Variants in C4orf17 observed in about 807,000 individuals in gnomAD.
C4orf17 encodes chromosome 4 open reading frame 17.
C4orf17 carries 25 observed loss-of-function variants against 32.0 expected under a neutral mutation model. That is an observed-to-expected ratio of 0.78 (90% CI 0.57 to 1.09). The LOEUF is 1.09. C4orf17 is among the 50% of genes least tolerant of loss of function. The pLI is 0.00. For missense variants in C4orf17, 420 were observed against 420.0 expected (o/e 1.00, Z 0.00); for synonymous variants, 149 against 145.8 (o/e 1.02, Z -0.16).
At position 99,529,944 on chromosome 4, in the gene C4orf17, G is replaced by A. The variant is rs1164869396; in HGVS notation, c.532G>A (p.Asp178Asn). The change falls in exon 5 of 9, where the codon GAT becomes AAT. Residue 178 changes from aspartate (D) to asparagine (N), a missense_variant. Transcript: ENST00000326581. Reference protein sequence around the residue: ...ANTICIPNYLDQEIKILAKLC... With the variant: ...ANTICIPNYLNQEIKILAKLC... ...CACCATTTGCATACCAAACTATCTG[G>A]ATCAGGAAATAAAAGTAAGTATCAG... 1.2e-5 allele frequency: 19 copies of A among 1,607,690 alleles called. No homozygotes were observed. Among genetic ancestry groups the A allele is most frequent in the South Asian group, 5.6e-5 (5 of 89,638 alleles).
At position 99,527,504 on chromosome 4, in the gene C4orf17, G is replaced by A. The variant is rs535598706; in HGVS notation, c.403-2311G>A. On this transcript the variant is annotated intron_variant, in intron 4 of 8. Transcript: ENST00000326581. ...TTCTACAGACCTATGGTGGGGTGGG[G>A]GGAATGGTTTCAGGATGAAATTGTT... Among the ~76,000 whole-genome samples the A allele has an allele frequency of 9.2e-5, 14 of 152,264 alleles. No individual in the cohort carries two copies. In the South Asian group the frequency reaches 1.9e-3, roughly 20 times the overall value.
At chr4:99,524,213 C>T (rs1578190500) in intron 3 of C4orf17, among the ~76,000 whole-genome samples, 1 of 152,064 alleles carries the variant, frequency 6.6e-6, no homozygotes, top group Non-Finnish European at 1.5e-5. Context: ...GATCTCCTGA[C>T]CTCGTGATCC....
At chr4:99,522,430 C>T in intron 2 of C4orf17, 70 bp from the exon 3 acceptor site, 1 of 1,202,814 alleles carries the variant, frequency 8.3e-7, no homozygotes, top group Non-Finnish European at 1.2e-6. Context: ...GTTGATCATT[C>T]AAAGAAAACC....
intron 2 of C4orf17, among the ~76,000 whole-genome samples, chr4:99,521,332 A>G (rs545602259): frequency 6.6e-6 from 1 of 151,978 alleles, no homozygotes; most frequent in African/African-American, 2.4e-5. Flanking sequence ...CAGAGATTGC[A>G]CCATTGCACT....
intron 6 of C4orf17, among the ~76,000 whole-genome samples, chr4:99,538,874 C>G (rs1406268811): frequency 2.6e-5 from 4 of 152,192 alleles, no homozygotes; most frequent in African/African-American, 9.7e-5. Context: ...TTGGCAGCAG[C>G]CTGTAAGACT....
At position 99,539,151 on chromosome 4, in the gene C4orf17, CT is replaced by C; in HGVS notation, c.629-8del. The C allele has an allele frequency of 6.2e-7, 1 of 1,609,494 alleles. No homozygotes were observed. The highest frequency in any genetic ancestry group is 8.5e-7 in the Non-Finnish European group (1 of 1,177,780). On this transcript the variant is annotated splice_polypyrimidine_tract_variant and intron_variant, in intron 6 of 8. Transcript: ENST00000326581. ...CTTCACTCCTCCCACCCTTTTTTGTCTTTTAAACCAGAAAAAGAGTGGGTCT... is the reference window on the plus strand; with the variant it reads ...CTTCACTCCTCCCACCCTTTTTTGTCTTTAAACCAGAAAAAGAGTGGGTCT...
chr4:99,535,884 T>C (rs531661276), intron 5 of C4orf17: 3 of 442,172 alleles, frequency 6.8e-6, no homozygotes, highest in Non-Finnish European at 1.3e-5. Context: ...CTACCTTCAA[T>C]CTTTGAGGTT....
chr4:99,511,796 A>AGAAC (rs1472764987), intron 1 of C4orf17, among the ~76,000 whole-genome samples: 2 of 152,206 alleles, frequency 1.3e-5, no homozygotes, highest in African/African-American at 4.8e-5. Flanking sequence ...CAAAGAGATT[A>AGAAC]GAACTAGCTC....
At chr4:99,518,515 AAAAATATATATAT>A (rs1723227669) in intron 2 of C4orf17, among the ~76,000 whole-genome samples, 4 of 52,650 alleles carry the variant, frequency 7.6e-5, no homozygotes, top group African/African-American at 3.2e-4. Flanking sequence ...AAAAAAAAAA[AAAAATATATATAT>A]ATATATATAT....
At chr4:99,531,080 T>C (rs928279850) in intron 5 of C4orf17, among the ~76,000 whole-genome samples, 1 of 151,776 alleles carries the variant, frequency 6.6e-6, no homozygotes, top group African/African-American at 2.4e-5. Context: ...AACCATCCAA[T>C]CTAAAGTAGC....
At chr4:99,531,892 A>G (rs532234254) in intron 5 of C4orf17, among the ~76,000 whole-genome samples, 1 of 152,290 alleles carries the variant, frequency 6.6e-6, no homozygotes, top group South Asian at 2.1e-4. Context: ...CCTACTATCC[A>G]TTGAGTAACT....
intron 5 of C4orf17, among the ~76,000 whole-genome samples, chr4:99,536,532 G>A (rs1428393510): frequency 1.3e-5 from 2 of 152,168 alleles, no homozygotes; most frequent in South Asian, 2.1e-4. Flanking sequence ...CTGTGTTGTG[G>A]CGGACTCCTC....
At chr4:99,541,156 A>C (rs1261159372) in intron 8 of C4orf17, 1 of 152,314 alleles carries the variant, frequency 6.6e-6, no homozygotes, top group East Asian at 1.9e-4. Flanking sequence ...CAGGAATGAT[A>C]TATAATCAAT....
intron 2 of C4orf17, among the ~76,000 whole-genome samples, chr4:99,521,560 G>A (rs1306884415): frequency 6.6e-6 from 1 of 152,050 alleles, no homozygotes; most frequent in Non-Finnish European, 1.5e-5. Flanking sequence ...AGAGTGATCA[G>A]GCACATTTCA....
Position 99,513,201 on chromosome 4 carries a change from C to T in C4orf17, c.120C>T (p.His40=). The T allele has an allele frequency of 6.2e-7, 1 of 1,613,852 alleles. No individual in the cohort carries two copies. Among genetic ancestry groups the T allele is most frequent in the African/African-American group, 1.3e-5 (1 of 75,012 alleles). The change falls in exon 2 of 9, where the codon CAC becomes CAT. Residue 40 remains histidine, a synonymous_variant. Coordinates refer to ENST00000326581, the MANE Select transcript of C4orf17 (RefSeq NM_032149.3). ...RHTPHPRRVC[H]IKGLNNIPIC... ...CCCCTCATCCCAGAAGAGTCTGCCA[C>T]ATCAAAGGTAAGGTGACTTAAGGTC...
intron 4 of C4orf17, among the ~76,000 whole-genome samples, chr4:99,526,268 T>C (rs902081375): frequency 6.6e-6 from 1 of 152,224 alleles, no homozygotes; most frequent in Admixed American, 6.5e-5. Context: ...GATGTTTCTT[T>C]TTTTAGTCTG....
At chr4:99,519,336 G>A (rs1455221745) in intron 2 of C4orf17, 3 of 152,296 alleles carry the variant, frequency 2.0e-5, no homozygotes, top group Non-Finnish European at 4.4e-5. Flanking sequence ...CTGGGGAGCT[G>A]AGAGCCTAGG....
intron 5 of C4orf17, among the ~76,000 whole-genome samples, chr4:99,536,504 T>C (rs930081408): frequency 6.6e-6 from 1 of 152,312 alleles, no homozygotes; most frequent in East Asian, 1.9e-4. Context: ...CTGGGCATGA[T>C]CTGGCACAGC....
chr4:99,525,608 C>A (rs1371684187), intron 4 of C4orf17, among the ~76,000 whole-genome samples: 1 of 152,042 alleles, frequency 6.6e-6, no homozygotes, highest in Non-Finnish European at 1.5e-5. Flanking sequence ...TCCTGGCCAA[C>A]ATGGTGAAAC....
Sources: allele counts gnomAD v4.1 joint callset (sites outside exome capture counted in the v4.1 genomes callset), GRCh38; gene constraint gnomAD v4.1.1; transcripts MANE v1.5; gene names NCBI Gene and HGNC (gene_info 2026-07-23, HGNC 2026-07-21).